The following CLSTN1 variants were observed in gnomAD, a reference collection of about 807,000 sequenced individuals.
The protein encoded by CLSTN1 is calsyntenin-1.
Under a neutral mutation model 108.3 loss-of-function variants are expected in CLSTN1, and 28 were observed. The observed-to-expected ratio is 0.26, with a 90% CI of 0.19 to 0.35. CLSTN1 has a LOEUF of 0.35. Ranked by LOEUF, CLSTN1 falls within the 10% of genes least tolerant of loss-of-function variation. The pLI, the probability that CLSTN1 is intolerant of heterozygous loss-of-function variation, is 1.00. For synonymous variants in CLSTN1, 524 were observed against 534.9 expected (o/e 0.98, Z 0.28); for missense variants, 1,157 against 1,302.6 (o/e 0.89, Z 1.72).
chr1:9,822,533 TTC>T (rs1350579869), intron 1 of CLSTN1, among the ~76,000 whole-genome samples: 3 of 152,088 alleles, frequency 2.0e-5, no homozygotes, highest in Non-Finnish European at 4.4e-5. Flanking sequence ...TCCCCAAAAT[TTC>T]TTTTGATTAA....
intron 1 of CLSTN1, among the ~76,000 whole-genome samples, chr1:9,787,682 G>C (rs927352679): frequency 2.6e-5 from 4 of 151,340 alleles, no homozygotes; most frequent in African/African-American, 9.7e-5. Context: ...GATTACAGGC[G>C]TGAGCCTTCT....
intron 1 of CLSTN1, among the ~76,000 whole-genome samples, chr1:9,818,581 C>A (rs1232923485): frequency 6.6e-6 from 1 of 152,014 alleles, no homozygotes; most frequent in Non-Finnish European, 1.5e-5. Flanking sequence ...CCCACCTTGG[C>A]CTCCCAAAGT....
intron 1 of CLSTN1, among the ~76,000 whole-genome samples, chr1:9,787,853 T>C (rs1653567740): frequency 6.6e-6 from 1 of 151,374 alleles, no homozygotes; most frequent in Non-Finnish European, 1.5e-5. Context: ...TAGAACTTCT[T>C]TCATCTTGCA....
At chr1:9,792,210 C>CAAA (rs1314927872) in intron 1 of CLSTN1, among the ~76,000 whole-genome samples, 2 of 150,726 alleles carry the variant, frequency 1.3e-5, no homozygotes, top group African/African-American at 4.9e-5. Context: ...ACAACAACAA[C>CAAA]AACAAAAAAA....
chr1:9,813,459 T>G (rs1459214284), intron 1 of CLSTN1, among the ~76,000 whole-genome samples: 1 of 148,924 alleles, frequency 6.7e-6, no homozygotes, highest in Non-Finnish European at 1.5e-5. Flanking sequence ...AGATCATACC[T>G]CTGCACTCTA....
rs543360492 is a variant in CLSTN1 at position 9,811,357 on chromosome 1, G to A, written c.91+12286C>T. Among the ~76,000 whole-genome samples the A allele has an allele frequency of 7.9e-5, 12 of 152,230 alleles. No individual in the cohort carries two copies. In the South Asian group the frequency reaches 2.5e-3, roughly 32 times the overall value. ...AAGACATGTATTCGCTGCTTCCTAG[G>A]TAAACAAGAGGCGGCTCTCGTACAC... On this transcript the variant is annotated intron_variant, in intron 1 of 18. Transcript: ENST00000377298.
At chr1:9,767,257 G>T (rs1199948392) in intron 2 of CLSTN1, among the ~76,000 whole-genome samples, 1 of 152,178 alleles carries the variant, frequency 6.6e-6, no homozygotes, top group Non-Finnish European at 1.5e-5. Context: ...GATTGGAGAA[G>T]AGAGGCTGGG....
intron 1 of CLSTN1, among the ~76,000 whole-genome samples, chr1:9,798,668 G>C (rs1654120820): frequency 6.6e-6 from 1 of 152,154 alleles, no homozygotes; most frequent in African/African-American, 2.4e-5. Flanking sequence ...ACTAGATAGA[G>C]GTGGTAGTTG....
At chr1:9,812,658 C>G (rs1239641318) in intron 1 of CLSTN1, among the ~76,000 whole-genome samples, 1 of 151,954 alleles carries the variant, frequency 6.6e-6, no homozygotes, top group Non-Finnish European at 1.5e-5. Context: ...ACCAGCCTGA[C>G]AAACATGGAG....
Position 9,816,650 on chromosome 1 carries a change from T to A in CLSTN1, c.91+6993A>T, listed in dbSNP as rs555575737. On this transcript the variant is annotated intron_variant, in intron 1 of 18. Coordinates refer to ENST00000377298, the MANE Select transcript of CLSTN1 (RefSeq NM_001009566.3). ...CTGGAGTGCAGTGGCATGACAAAAG[T>A]GGTCTTTTTTTTTGAGATGGAGTTT... Among the ~76,000 whole-genome samples the A allele has an allele frequency of 2.0e-5, 3 of 151,182 alleles. No individual in the cohort carries two copies. The South Asian group carries it at 6.3e-4, about 32-fold the overall frequency.
At chr1:9,768,999 G>C (rs900655046) in intron 2 of CLSTN1, among the ~76,000 whole-genome samples, 8 of 141,936 alleles carry the variant, frequency 5.6e-5, no homozygotes, top group African/African-American at 2.1e-4. Context: ...GAGTGAGGGA[G>C]GGGGGAACAG....
At chr1:9,743,755 G>T in intron 9 of CLSTN1, 129 bp downstream of exon 9, 1 of 934,098 alleles carries the variant, frequency 1.1e-6, no homozygotes, top group Non-Finnish European at 1.6e-6. Flanking sequence ...CAGGATCTTA[G>T]TAATGTTGCC....
chr1:9,813,650 A>C lies in CLSTN1; in HGVS notation c.91+9993T>G, dbSNP rs151323233. 2.2e-3 allele frequency among the ~76,000 whole-genome samples: 336 copies of C among 152,368 alleles called. 1 individual carries two copies. The highest frequency in any genetic ancestry group is 7.8e-3 in the African/African-American group (325 of 41,582). On this transcript the variant is annotated intron_variant, in intron 1 of 18. Transcript: ENST00000377298. ...ACTACATCTGAAATATGCAAAACTC[A>C]GTGAGACTAGAGTCTGCATTTCAGA...
rs749590800 is a variant in CLSTN1, at chr1:9,741,250, C to T, written c.1363G>A (p.Asp455Asn). 1.2e-5 allele frequency: 19 copies of T among 1,608,886 alleles called. No homozygotes were observed. In the East Asian group the frequency reaches 4.0e-4, roughly 34 times the overall value. The stretch of plus-strand genomic sequence containing the variant: ...AGGACGTAGTGGTGCCATTCCTCAT[C>T]ACAGACCTACAGAGGCAAAGGGAAG... ...EFHWKLNQVC[D>N]EEWHHYVLNV... The change falls in exon 10 of 19, where the codon GAT becomes AAT. Residue 455 changes from aspartate to asparagine, a missense_variant. Physicochemically the swap from Asp to Asn is conservative, Grantham distance 23. Transcript: ENST00000377298.
Position 9,793,178 on chromosome 1 carries a change from A to G in CLSTN1, c.92-19784T>C, listed in dbSNP as rs909787531. 2.6e-5 allele frequency among the ~76,000 whole-genome samples: 4 copies of G among 151,156 alleles called. 1 individual carries two copies. The Admixed American group carries it at 2.7e-4, about 10-fold the overall frequency. ...TAAGCACGCGCCACCACACCCAGCT[A>G]ATTTTTGTATTTTTAGTAGAGACGG... On this transcript the variant is annotated intron_variant, in intron 1 of 18. Coordinates refer to ENST00000377298, the MANE Select transcript of CLSTN1 (RefSeq NM_001009566.3).
intron 7 of CLSTN1, among the ~76,000 whole-genome samples, chr1:9,744,955 T>C (rs1651182029): frequency 6.6e-6 from 1 of 152,138 alleles, no homozygotes; most frequent in African/African-American, 2.4e-5. Flanking sequence ...AGTTTCACCA[T>C]GTTGGCCAGG....
intron 8 of CLSTN1, 123 bp from the exon 9 acceptor site, chr1:9,744,128 CAAGG>C: frequency 1.5e-6 from 2 of 1,356,392 alleles, no homozygotes; most frequent in Non-Finnish European, 2.0e-6. Flanking sequence ...TCGGCTAAGC[CAAGG>C]CAGGGCTTAG....
chr1:9,730,913 CAA>C lies in CLSTN1; in HGVS notation c.2749-210_2749-209del, dbSNP rs1266471078. ...CAGCACCCACGGAGTCACCCACATA[CAA>C]AGCAGCTTGGGACAGCACCTCAGCT... On this transcript the variant is annotated intron_variant, in intron 18 of 18. Coordinates refer to ENST00000377298, the MANE Select transcript of CLSTN1 (RefSeq NM_001009566.3). This position sits in a 1 kb window ranked among gnomAD's most constrained non-coding sequence, Gnocchi z 5.6. Among the ~76,000 whole-genome samples the C allele has an allele frequency of 2.6e-5, 4 of 152,168 alleles. No homozygotes were observed. The highest frequency in any genetic ancestry group is 9.7e-5 in the African/African-American group (4 of 41,442).
At chr1:9,757,006 C>T (rs1453244060) in intron 2 of CLSTN1, among the ~76,000 whole-genome samples, 1 of 151,624 alleles carries the variant, frequency 6.6e-6, no homozygotes, top group Non-Finnish European at 1.5e-5. Context: ...TCTCGATCTC[C>T]TGACCTCGTG....
Sources: allele counts gnomAD v4.1 joint callset (sites outside exome capture counted in the v4.1 genomes callset), GRCh38; gene constraint gnomAD v4.1.1; non-coding constraint Gnocchi (gnomAD v3.1); transcripts MANE v1.5; gene names NCBI Gene and HGNC (gene_info 2026-07-23, HGNC 2026-07-21).